Variants in NCOA6 observed in about 807,000 individuals in gnomAD.
NCOA6 encodes the protein nuclear receptor coactivator 6.
In NCOA6, 49 loss-of-function variants were observed where a neutral mutation model predicts 171.4. That is an observed-to-expected ratio of 0.29 (90% CI 0.23 to 0.36). The LOEUF (loss-of-function observed/expected upper bound fraction) is 0.36. NCOA6 is among the 10% of genes least tolerant of loss of function. NCOA6 has a pLI of 1.00. For missense variants in NCOA6, 2,248 were observed against 2,554.5 expected (o/e 0.88, Z 2.59); for synonymous variants, 910 against 927.5 (o/e 0.98, Z 0.34).
At chr20:34,766,969 A>T (rs2145946489) in intron 5 of NCOA6, among the ~76,000 whole-genome samples, 1 of 152,272 alleles carries the variant, frequency 6.6e-6, no homozygotes, top group Non-Finnish European at 1.5e-5. Flanking sequence ...TCTGTGGGGA[A>T]CTACATCTAT....
rs747886425 is a variant in NCOA6 at position 34,757,953 on chromosome 20, T to TTGCTGCTGC, written c.786_794dup (p.Gln283_Gln285dup). 1 of 1,613,434 alleles carries TTGCTGCTGC rather than the reference T, an allele frequency of 6.2e-7. No homozygotes were observed. Among genetic ancestry groups the TTGCTGCTGC allele is most frequent in the South Asian group, 1.1e-5 (1 of 91,066 alleles). The stretch of plus-strand genomic sequence containing the variant: ...GCTGCTGCTGCTGCTGTTGTTGTTG[T>TTGCTGCTGC]TGCTGCTGCTGCTGCAGCTGGGGAA... On this transcript the variant is annotated inframe_insertion, in exon 7 of 15. Transcript: ENST00000359003.
Position 34,742,834 on chromosome 20 carries a change from G to A in NCOA6, c.3422C>T (p.Pro1141Leu). ...GTTGTTTGGGCCTCCTGGGACAGAT[G>A]GTGCTTCACTGCCACTTGCTTCAGG... ...SLPEASGSEAPSVPGGPNNMP... is the reference protein window; with the variant it reads ...SLPEASGSEALSVPGGPNNMP... The change falls in exon 11 of 15, where the codon CCA (proline) becomes CTA (leucine). Residue 1141 changes from proline to leucine, a missense_variant. This residue lies in a region of NCOA6 where 352 missense variants were observed against 419.1 expected (regional missense o/e 0.84). Coordinates refer to ENST00000359003, the MANE Select transcript of NCOA6 (RefSeq NM_014071.5). 1 of 1,614,184 alleles carries A rather than the reference G, an allele frequency of 6.2e-7. No individual in the cohort carries two copies. The highest frequency in any genetic ancestry group is 8.5e-7 in the Non-Finnish European group (1 of 1,180,030).
intron 10 of NCOA6, among the ~76,000 whole-genome samples, chr20:34,745,738 G>A (rs868438980): frequency 6.6e-6 from 1 of 152,184 alleles, no homozygotes; most frequent in African/African-American, 2.4e-5. Context: ...GAAGGGTTGT[G>A]TATCTTCAAC....
chr20:34,799,919 T>C (rs1314219252), intron 1 of NCOA6, among the ~76,000 whole-genome samples: 1 of 152,174 alleles, frequency 6.6e-6, no homozygotes, highest in Non-Finnish European at 1.5e-5. Context: ...AACTCACTGG[T>C]AATAGTAAGT....
At chr20:34,752,739 G>A (rs976142932) in intron 8 of NCOA6, among the ~76,000 whole-genome samples, 4 of 151,896 alleles carry the variant, frequency 2.6e-5, no homozygotes, top group Admixed American at 6.6e-5. Context: ...GACCAGCCTG[G>A]CCAACATGGT....
chr20:34,822,683 T>G (rs957293705), intron 1 of NCOA6, among the ~76,000 whole-genome samples: 2 of 152,230 alleles, frequency 1.3e-5, no homozygotes, highest in Non-Finnish European at 2.9e-5. Context: ...ATGCTTGATA[T>G]GCAGTAGATG....
chr20:34,721,967 C>A (rs1372548374), intron 14 of NCOA6, among the ~76,000 whole-genome samples: 1 of 140,786 alleles, frequency 7.1e-6, no homozygotes, highest in Non-Finnish European at 1.5e-5. Context: ...AGGCAGGAGG[C>A]TTGCTTGAGC....
intron 8 of NCOA6, 72 bp downstream of exon 8, chr20:34,754,650 A>C (rs2076591042): frequency 6.4e-7 from 1 of 1,567,494 alleles, no homozygotes. Context: ...TTATCTGTAT[A>C]CTCCTGTTGT....
chr20:34,803,870 ACACCT>A, intron 1 of NCOA6, among the ~76,000 whole-genome samples: 1 of 151,788 alleles, frequency 6.6e-6, no homozygotes, highest in East Asian at 2.0e-4. Context: ...GTGGTGGCAC[ACACCT>A]GTAATCCCAC....
intron 14 of NCOA6, among the ~76,000 whole-genome samples, chr20:34,722,701 A>T (rs2146961178): frequency 6.6e-6 from 1 of 151,524 alleles, no homozygotes; most frequent in Non-Finnish European, 1.5e-5. Context: ...AAAAAAAAAA[A>T]AATGCCAAGC....
At chr20:34,777,942 T>C (rs1019093897) in intron 3 of NCOA6, among the ~76,000 whole-genome samples, 6 of 152,176 alleles carry the variant, frequency 3.9e-5, no homozygotes, top group African/African-American at 1.4e-4. Flanking sequence ...GGAATCTTGC[T>C]CTGTCACCAG....
chr20:34,769,606 C>T (rs977341741), intron 4 of NCOA6, among the ~76,000 whole-genome samples: 3 of 152,138 alleles, frequency 2.0e-5, no homozygotes, highest in Admixed American at 6.5e-5. Flanking sequence ...TCACGTGATC[C>T]ACCCACCTCG....
In NCOA6 at chr20:34,742,454, T is replaced by C; in HGVS notation, c.3802A>G (p.Arg1268Gly). ...TTTAGGCCTTGTTGATCAAAGCCCCTGTTTAAATTTGGCCTAGGAGGTAAA... is the reference window on the plus strand; with the variant it reads ...TTTAGGCCTTGTTGATCAAAGCCCCCGTTTAAATTTGGCCTAGGAGGTAAA... ...IPLPPRPNLNRGFDQQGLNPT... is the reference protein window; with the variant it reads ...IPLPPRPNLNGGFDQQGLNPT... The change falls in exon 11 of 15, where the codon AGG (arginine) becomes GGG (glycine). Residue 1268 changes from arginine to glycine, a missense_variant. This residue lies in a region of NCOA6 where 14 missense variants were observed against 17.6 expected (regional missense o/e 0.80). Transcript: ENST00000359003. The C allele has an allele frequency of 1.2e-6, 2 of 1,614,214 alleles. No individual in the cohort carries two copies. The highest frequency in any genetic ancestry group is 1.1e-5 in the South Asian group (1 of 91,086).
At chr20:34,796,597 G>A (rs1242962268) in intron 1 of NCOA6, among the ~76,000 whole-genome samples, 1 of 152,106 alleles carries the variant, frequency 6.6e-6, no homozygotes, top group East Asian at 1.9e-4. Context: ...GCTCCAGCCT[G>A]AGCCTATAAG....
chr20:34,750,155 G>T lies in NCOA6; in HGVS notation c.2040C>A (p.Pro680=). 1 of 1,613,732 alleles carries T rather than the reference G, an allele frequency of 6.2e-7. No homozygotes were observed. Among genetic ancestry groups the T allele is most frequent in the Non-Finnish European group, 8.5e-7 (1 of 1,179,748 alleles). ...LGPSPQRMTP[P]KQMLSQQGPQ... is the part of the protein sequence containing the mutation. ...GGCCCTGCTGGGAAAGCATCTGCTTGGGTGGGGTCATCCTTTGGGGCGAGG... is the reference window on the plus strand; with the variant it reads ...GGCCCTGCTGGGAAAGCATCTGCTTTGGTGGGGTCATCCTTTGGGGCGAGG... The change falls in exon 9 of 15, where the codon CCC becomes CCA. Residue 680 remains proline (P), a synonymous_variant. Transcript: ENST00000359003.
chr20:34,758,770 C>T (rs2076728415), intron 6 of NCOA6, 35 bp downstream of exon 6: 11 of 1,606,676 alleles, frequency 6.8e-6, no homozygotes, highest in Non-Finnish European at 9.3e-6. Flanking sequence ...CAGAAAGTTT[C>T]AGACTCTTCA....
chr20:34,798,817 G>C (rs1012341568), intron 1 of NCOA6, among the ~76,000 whole-genome samples: 2 of 152,142 alleles, frequency 1.3e-5, no homozygotes, highest in African/African-American at 4.8e-5. Context: ...AAGAGACCTG[G>C]ATCACAACAC....
chr20:34,758,726 CATCAGAG>C, intron 6 of NCOA6, 72 bp downstream of exon 6: 1 of 1,523,094 alleles, frequency 6.6e-7, no homozygotes, highest in Non-Finnish European at 8.9e-7. Context: ...AGAAATTCAG[CATCAGAG>C]ATAACTGAAT....
At chr20:34,739,062 G>GGA in intron 11 of NCOA6, 1 of 427,172 alleles carries the variant, frequency 2.3e-6, no homozygotes, top group Non-Finnish European at 4.9e-6. Context: ...CACAGGAGGA[G>GGA]GAACATGTCA....
Sources: allele counts gnomAD v4.1 joint callset (sites outside exome capture counted in the v4.1 genomes callset), GRCh38; gene constraint gnomAD v4.1.1; regional missense constraint gnomAD v4.1.1; transcripts MANE v1.5; gene names NCBI Gene and HGNC (gene_info 2026-07-23, HGNC 2026-07-21).